DYDC1: variants seen among roughly 807,000 people sequenced by gnomAD.
DYDC1 encodes DPY30 domain-containing protein 1.
A neutral mutation model predicts 27.9 loss-of-function variants in DYDC1; 21 were observed. The ratio of observed to expected loss-of-function variants is 0.75; its 90% confidence interval spans 0.53 to 1.08. The LOEUF (loss-of-function observed/expected upper bound fraction) is 1.08. DYDC1 is among the 50% of genes least tolerant of loss of function. The pLI, the probability that DYDC1 is intolerant of heterozygous loss-of-function variation, is 0.00. For missense variants in DYDC1, 202 were observed against 205.9 expected (o/e 0.98, Z 0.12); for synonymous variants, 67 against 65.8 (o/e 1.02, Z -0.09).
chr10:80,337,330 AT>A (rs1842166630), intron 6 of DYDC1: 1 of 985,354 alleles, frequency 1.0e-6, no homozygotes, highest in East Asian at 1.1e-4. Flanking sequence ...GTGCCAAATC[AT>A]AGCTGACCTT....
At chr10:80,343,651 A>T (rs892448460) in intron 3 of DYDC1, among the ~76,000 whole-genome samples, 2 of 152,032 alleles carry the variant, frequency 1.3e-5, no homozygotes, top group African/African-American at 2.4e-5. Flanking sequence ...GTGAATTTTG[A>T]ATGTCGCACT....
intron 3 of DYDC1, among the ~76,000 whole-genome samples, chr10:80,344,185 A>G (rs571376158): frequency 3.3e-5 from 5 of 152,352 alleles, no homozygotes; most frequent in South Asian, 4.1e-4. Context: ...AAATGAAAAT[A>G]AGTCTGCAAC....
At chr10:80,340,372 C>T (rs1026037268) in intron 4 of DYDC1, among the ~76,000 whole-genome samples, 3 of 152,164 alleles carry the variant, frequency 2.0e-5, no homozygotes, top group African/African-American at 7.2e-5. Context: ...GAGCAATGGG[C>T]GAGGGAGTGG....
intron 3 of DYDC1, among the ~76,000 whole-genome samples, chr10:80,344,566 A>G (rs1234770613): frequency 6.6e-6 from 1 of 152,226 alleles, no homozygotes; most frequent in Non-Finnish European, 1.5e-5. Flanking sequence ...TCCCCATTCA[A>G]TTCTCAACTT....
chr10:80,347,028 T>C (rs1426150672), intron 3 of DYDC1, among the ~76,000 whole-genome samples: 1 of 151,238 alleles, frequency 6.6e-6, no homozygotes, highest in Non-Finnish European at 1.5e-5. Context: ...TGGAGTGAGC[T>C]AAGATCACGC....
At chr10:80,336,518 T>G in intron 6 of DYDC1, 5 of 183,842 alleles carry the variant, frequency 2.7e-5, no homozygotes, top group Non-Finnish European at 5.2e-5. Context: ...CTCTCCTAGG[T>G]ACCTTACTCA....
chr10:80,341,153 T>C (rs1030898923), intron 4 of DYDC1, among the ~76,000 whole-genome samples: 1 of 152,080 alleles, frequency 6.6e-6, no homozygotes, highest in African/African-American at 2.4e-5. Flanking sequence ...AGCTATAAAC[T>C]CAGTCATCTA....
At chr10:80,352,405 T>G in intron 2 of DYDC1, 50 bp downstream of exon 2, 1 of 1,502,524 alleles carries the variant, frequency 6.7e-7, no homozygotes, top group East Asian at 2.4e-5. Context: ...AGCAGACAAG[T>G]TGGACCAGTT....
intron 3 of DYDC1, among the ~76,000 whole-genome samples, chr10:80,349,712 A>G (rs1033978782): frequency 6.6e-6 from 1 of 152,226 alleles, no homozygotes; most frequent in Non-Finnish European, 1.5e-5. Context: ...GTTAAATAAC[A>G]GTCAGATTGA....
Position 80,345,696 on chromosome 10 carries a change from A to G in DYDC1, c.250-3335T>C, listed in dbSNP as rs532260882. Among the ~76,000 whole-genome samples, 4 of 151,280 alleles carry G rather than the reference A, an allele frequency of 2.6e-5. No homozygotes were observed. In the East Asian group the frequency reaches 7.8e-4, roughly 29 times the overall value. ...GACAGCATGTGGTATTTTTCTTTTG[A>G]TGTCTGGTTTATTTCACTTAACATC... On this transcript the variant is annotated intron_variant, in intron 3 of 6. Transcript: ENST00000372202.
intron 3 of DYDC1, among the ~76,000 whole-genome samples, chr10:80,342,862 T>C (rs1378655673): frequency 6.6e-6 from 1 of 151,762 alleles, no homozygotes; most frequent in Non-Finnish European, 1.5e-5. Flanking sequence ...ATGCCTGTAA[T>C]CTCAGCTACT....
At chr10:80,342,995 A>G (rs1386925150) in intron 3 of DYDC1, among the ~76,000 whole-genome samples, 7 of 150,866 alleles carry the variant, frequency 4.6e-5, no homozygotes, top group Non-Finnish European at 1.0e-4. Context: ...AAAAAAAAAA[A>G]AAAGAAAAGA....
chr10:80,351,318 A>C (rs996753579), intron 3 of DYDC1, among the ~76,000 whole-genome samples: 1 of 152,048 alleles, frequency 6.6e-6, no homozygotes, highest in Non-Finnish European at 1.5e-5. Flanking sequence ...TCTCATCTCC[A>C]TGGTGAGCTG....
rs776942813 is a variant in DYDC1 at position 80,351,974 on chromosome 10, C to T, written c.176G>A (p.Arg59His). ...LRQKEMAKLERERELALMEQE... is the reference protein window; with the variant it reads ...LRQKEMAKLEHERELALMEQE... Reference sequence around the variant, plus strand: ...CTCCATCAGAGCTAATTCTCTTTCACGCTCCAGCTTGGCCATTTCCTTTTG... The same window carrying T: ...CTCCATCAGAGCTAATTCTCTTTCATGCTCCAGCTTGGCCATTTCCTTTTG... The change falls in exon 3 of 7, where the codon CGT becomes CAT. Residue 59 changes from arginine (R) to histidine (H), a missense_variant. Arg to His is a conservative substitution (Grantham distance 29). Coordinates refer to ENST00000372202, the MANE Select transcript of DYDC1 (RefSeq NM_001269053.2). 25 of 1,614,124 alleles carry T rather than the reference C, an allele frequency of 1.5e-5. No individual in the cohort carries two copies. Among genetic ancestry groups the T allele is most frequent in the South Asian group, 2.2e-5 (2 of 91,082 alleles).
intron 1 of DYDC1, among the ~76,000 whole-genome samples, chr10:80,353,744 A>G (rs569465852): frequency 2.6e-5 from 4 of 151,884 alleles, no homozygotes; most frequent in Admixed American, 6.6e-5. Flanking sequence ...TCATCTTCCC[A>G]CTGGGATGAT....
At chr10:80,341,880 C>A (rs747197143) in intron 4 of DYDC1, among the ~76,000 whole-genome samples, 1 of 151,970 alleles carries the variant, frequency 6.6e-6, no homozygotes, top group Non-Finnish European at 1.5e-5. Flanking sequence ...CAAAATCAGC[C>A]GGGCGTGGTG....
chr10:80,336,097 C>T, downstream of DYDC1: 1 of 1,156,212 alleles, frequency 8.6e-7, no homozygotes, highest in Non-Finnish European at 1.3e-6. Flanking sequence ...AAATTGGGAA[C>T]CTCATGGTTT....
Position 80,352,620 on chromosome 10 carries a change from AAGTG to A in DYDC1, c.-9-14_-9-11del. ...ACTCCATTTCTAACTCCTAAAAAGT[AAGTG>A]TTTTTGCATTACTGCAGGATATTTT... On this transcript the variant is annotated splice_polypyrimidine_tract_variant and intron_variant, in intron 1 of 6. Transcript: ENST00000372202. 6.3e-7 allele frequency: 1 copy of A among 1,594,232 alleles called. No homozygotes were observed. Among genetic ancestry groups the A allele is most frequent in the Non-Finnish European group, 8.5e-7 (1 of 1,174,096 alleles).
In DYDC1 at chr10:80,338,530, G is replaced by T. The variant is rs767147643; in HGVS notation, c.441C>A (p.Ser147Arg). Residue 147 changes from serine (S) to arginine (R), a missense_variant, in exon 6 of 7, where the codon AGC becomes AGA. By Grantham distance (110) the Ser-to-Arg change is moderately radical. Transcript: ENST00000372202. ...LDSGKTLAEISDRYGAPNLSR... is the reference protein window; with the variant it reads ...LDSGKTLAEIRDRYGAPNLSR... ...TCAAGTTAGGTGCTCCATAACGATCGCTGATTTCAGCTAGTGTTTTGCCTG... is the reference window on the plus strand; with the variant it reads ...TCAAGTTAGGTGCTCCATAACGATCTCTGATTTCAGCTAGTGTTTTGCCTG... The T allele has an allele frequency of 1.1e-5, 17 of 1,609,680 alleles. No homozygotes were observed. The African/African-American group carries it at 1.2e-4, about 11-fold the overall frequency.
Sources: allele counts gnomAD v4.1 joint callset (sites outside exome capture counted in the v4.1 genomes callset), GRCh38; gene constraint gnomAD v4.1.1; transcripts MANE v1.5; gene names NCBI Gene and HGNC (gene_info 2026-07-23, HGNC 2026-07-21).